Variants in RGS7 observed in about 807,000 individuals in gnomAD.
The protein encoded by RGS7 is regulator of G-protein signaling 7.
Under a neutral mutation model 81.1 loss-of-function variants are expected in RGS7, and 27 were observed. That is an observed-to-expected ratio of 0.33 (90% CI 0.25 to 0.46). The LOEUF (loss-of-function observed/expected upper bound fraction) is 0.46. Ranked by LOEUF, RGS7 falls within the 20% of genes least tolerant of loss-of-function variation. The pLI is 1.00. For missense variants in RGS7, 396 were observed against 607.4 expected (o/e 0.65, Z 3.66); for synonymous variants, 208 against 207.7 (o/e 1.00, Z -0.01).
intron 3 of RGS7, among the ~76,000 whole-genome samples, chr1:241,057,886 AAG>A (rs1362070423): frequency 3.3e-5 from 5 of 152,196 alleles, no homozygotes; most frequent in Admixed American, 6.5e-5. Context: ...TAATTTAAAA[AAG>A]AGTTAAATTT....
intron 2 of RGS7, among the ~76,000 whole-genome samples, chr1:241,142,844 T>C (rs938638947): frequency 6.6e-6 from 1 of 152,234 alleles, no homozygotes; most frequent in Non-Finnish European, 1.5e-5. Context: ...GTTGTCAAGC[T>C]GCGAATTTTC....
At chr1:241,336,522 G>T (rs531560875) in intron 2 of RGS7, among the ~76,000 whole-genome samples, 1 of 152,280 alleles carries the variant, frequency 6.6e-6, no homozygotes, top group East Asian at 1.9e-4. Flanking sequence ...CTCACCACCT[G>T]TTTGGTTTTA....
chr1:240,871,497 C>T (rs1664487187), intron 6 of RGS7, among the ~76,000 whole-genome samples: 1 of 152,138 alleles, frequency 6.6e-6, no homozygotes, highest in Non-Finnish European at 1.5e-5. Context: ...GCTGACATTC[C>T]TACAAATGCT....
intron 2 of RGS7, among the ~76,000 whole-genome samples, chr1:241,152,667 A>T (rs965701143): frequency 6.6e-6 from 1 of 152,182 alleles, no homozygotes; most frequent in African/African-American, 2.4e-5. Flanking sequence ...TCAATGGAGC[A>T]ATGTGGTTGG....
At chr1:241,264,422 GGGAGGC>G (rs1346707065) in intron 2 of RGS7, among the ~76,000 whole-genome samples, 2 of 152,146 alleles carry the variant, frequency 1.3e-5, no homozygotes, top group Admixed American at 6.5e-5. Flanking sequence ...ACTTGAACCT[GGGAGGC>G]GGAGGTTGCA....
At chr1:240,931,673 A>G (rs1675466780) in intron 5 of RGS7, among the ~76,000 whole-genome samples, 1 of 152,190 alleles carries the variant, frequency 6.6e-6, no homozygotes, top group Admixed American at 6.5e-5. Context: ...AAAGTTTTAA[A>G]CTGCACAAAT....
intron 3 of RGS7, among the ~76,000 whole-genome samples, chr1:240,996,192 T>C (rs1252615959): frequency 1.3e-5 from 2 of 152,166 alleles, no homozygotes. Context: ...CTTATTATGA[T>C]GTGTTTAATG....
intron 10 of RGS7, among the ~76,000 whole-genome samples, chr1:240,820,258 T>C (rs1255905962): frequency 6.6e-6 from 1 of 152,208 alleles, no homozygotes; most frequent in Non-Finnish European, 1.5e-5. Context: ...CATTTTTAGT[T>C]TTAATAGCAA....
intron 3 of RGS7, among the ~76,000 whole-genome samples, chr1:241,038,396 C>T (rs1042049734): frequency 5.3e-5 from 8 of 152,158 alleles, no homozygotes; most frequent in Non-Finnish European, 5.9e-5. Context: ...AAAACGTTAC[C>T]TTCCCACTCA....
At chr1:240,819,963 G>A (rs549507418) in intron 10 of RGS7, among the ~76,000 whole-genome samples, 5 of 152,282 alleles carry the variant, frequency 3.3e-5, no homozygotes, top group African/African-American at 1.2e-4. Flanking sequence ...AACTTTGATT[G>A]TTGGCTACAA....
intron 16 of RGS7, among the ~76,000 whole-genome samples, chr1:240,802,659 G>T (rs181814213): frequency 5.7e-4 from 87 of 152,164 alleles, no homozygotes; most frequent in African/African-American, 2.0e-3. Context: ...CATGAAAACA[G>T]CTTCTAATAA....
At chr1:240,985,584 A>G (rs533107658) in intron 3 of RGS7, among the ~76,000 whole-genome samples, 6 of 152,164 alleles carry the variant, frequency 3.9e-5, no homozygotes, top group Non-Finnish European at 7.3e-5. Context: ...GAAGGAGTCA[A>G]TTTAATTGGA....
At chr1:240,790,950 G>T (rs1475597378) in intron 18 of RGS7, among the ~76,000 whole-genome samples, 1 of 152,156 alleles carries the variant, frequency 6.6e-6, no homozygotes, top group Admixed American at 6.5e-5. Flanking sequence ...ATATTAATAT[G>T]CCTATTTCAG....
At chr1:240,869,967 A>T in intron 7 of RGS7, 88 bp downstream of exon 7, 1 of 1,056,310 alleles carries the variant, frequency 9.5e-7, no homozygotes, top group Non-Finnish European at 1.5e-6. Flanking sequence ...TCCATGAATG[A>T]AGAGTTAACA....
At chr1:241,263,444 C>A (rs2077437922) in intron 2 of RGS7, among the ~76,000 whole-genome samples, 2 of 152,134 alleles carry the variant, frequency 1.3e-5, no homozygotes, top group African/African-American at 4.8e-5. Flanking sequence ...CCAAAGGGTA[C>A]AACTATAGCA....
chr1:240,911,434 G>A (rs1410655543), intron 6 of RGS7, among the ~76,000 whole-genome samples: 1 of 151,920 alleles, frequency 6.6e-6, no homozygotes, highest in Non-Finnish European at 1.5e-5. Context: ...TGTTCTCTAG[G>A]TTCCAACTTG....
At chr1:241,044,338 G>T (rs1441882535) in intron 3 of RGS7, among the ~76,000 whole-genome samples, 1 of 152,052 alleles carries the variant, frequency 6.6e-6, no homozygotes, top group African/African-American at 2.4e-5. Context: ...TCAAACTCCC[G>T]ACCTCAAGTG....
intron 2 of RGS7, among the ~76,000 whole-genome samples, chr1:241,138,771 A>G (rs1254611260): frequency 1.3e-5 from 2 of 152,044 alleles, no homozygotes; most frequent in African/African-American, 2.4e-5. Context: ...ATTTTTTGCT[A>G]TCTTCATTTT....
intron 2 of RGS7, among the ~76,000 whole-genome samples, chr1:241,190,082 G>T (rs529992689): frequency 6.6e-6 from 1 of 150,922 alleles, no homozygotes; most frequent in Non-Finnish European, 1.5e-5. Context: ...CAGCCTGGGC[G>T]ACAGAGCAGA....
Sources: allele counts gnomAD v4.1 joint callset (sites outside exome capture counted in the v4.1 genomes callset), GRCh38; gene constraint gnomAD v4.1.1; transcripts MANE v1.5; gene names NCBI Gene and HGNC (gene_info 2026-07-23, HGNC 2026-07-21).